The following COL4A6 variants were observed in gnomAD, a reference collection of about 807,000 sequenced individuals.
COL4A6 encodes the protein collagen alpha-6(IV) chain.
In COL4A6, 59 loss-of-function variants were observed where a neutral mutation model predicts 126.7. The ratio of observed to expected loss-of-function variants is 0.47; its 90% CI spans 0.38 to 0.58. The LOEUF (loss-of-function observed/expected upper bound fraction) is 0.58, where lower values mean the gene tolerates loss of function less well. Among genes scored for constraint, COL4A6 ranks in the 20% least tolerant of loss-of-function variants. The probability of loss-of-function intolerance (pLI) is 0.00; values close to 1 mark genes in which losing one functional copy is unlikely to be tolerated. For missense variants in COL4A6, 1,285 were observed against 1,337.3 expected (o/e 0.96, Z 0.61); for synonymous variants, 547 against 496.6 (o/e 1.10, Z -1.35).
chrX:108,319,616 C>G, intron 2 of COL4A6, among the ~76,000 whole-genome samples: 1 of 111,946 alleles, frequency 8.9e-6, no homozygotes, highest in Non-Finnish European at 1.9e-5. Context: ...GATATGAAAA[C>G]ATACCAATGG....
At chrX:108,318,175 C>G (rs1457553810) in intron 2 of COL4A6, among the ~76,000 whole-genome samples, 19 of 111,249 alleles carry the variant, frequency 1.7e-4, no homozygotes, top group East Asian at 1.1e-3. Flanking sequence ...ATTCAACAAC[C>G]CTTCATGCTA....
intron 40 of COL4A6, 136 bp downstream of exon 40, chrX:108,164,464 T>C: frequency 1.8e-6 from 1 of 569,638 alleles, no homozygotes; most frequent in Non-Finnish European, 2.9e-6. Context: ...AGAAACTGCC[T>C]CTCTGGGGTA....
chrX:108,272,891 G>A (rs1028798603), intron 3 of COL4A6, among the ~76,000 whole-genome samples: 1 of 109,622 alleles, frequency 9.1e-6, no homozygotes, highest in Non-Finnish European at 1.9e-5. Flanking sequence ...AGTTCTAGGT[G>A]TCTGTATTTT....
chrX:108,313,246 C>T (rs927608690), intron 2 of COL4A6, among the ~76,000 whole-genome samples: 3 of 111,348 alleles, frequency 2.7e-5, no homozygotes, highest in Admixed American at 9.5e-5. Context: ...CACTCCACCC[C>T]CTGCTTGACC....
At chrX:108,241,658 T>A (rs1391005695) in intron 3 of COL4A6, among the ~76,000 whole-genome samples, 2 of 106,897 alleles carry the variant, frequency 1.9e-5, no homozygotes, top group African/African-American at 6.8e-5. Context: ...TTAGCTACCA[T>A]CATTTCTAAG....
intron 2 of COL4A6, among the ~76,000 whole-genome samples, chrX:108,436,357 C>T (rs2064266845): frequency 8.9e-6 from 1 of 112,437 alleles, no homozygotes; most frequent in South Asian, 3.6e-4. Context: ...GAAAGAATTG[C>T]AAGCATTAAA....
intron 2 of COL4A6, among the ~76,000 whole-genome samples, chrX:108,413,628 C>G (rs1487311236): frequency 9.0e-6 from 1 of 110,718 alleles, no homozygotes; most frequent in Admixed American, 9.6e-5. Context: ...CCGGCTAATT[C>G]TTTGTATTTT....
At chrX:108,285,363 A>G (rs1368791863) in intron 3 of COL4A6, among the ~76,000 whole-genome samples, 9 of 112,418 alleles carry the variant, frequency 8.0e-5, no homozygotes, top group Middle Eastern at 4.2e-3. Context: ...ATACTTCACA[A>G]TTCACCATTA....
In COL4A6 at chrX:108,255,826, T is replaced by C. The variant is rs190456193; in HGVS notation, c.145-34452A>G. Reference sequence around the variant, plus strand: ...ATATACCTTCACAGAACATACAAAATTAAGTTGAATGATCAAGGCTTCATA... The same window carrying C: ...ATATACCTTCACAGAACATACAAAACTAAGTTGAATGATCAAGGCTTCATA... On this transcript the variant is annotated intron_variant, in intron 3 of 44. Transcript: ENST00000334504. Among the ~76,000 whole-genome samples the C allele has an allele frequency of 9.0e-5, 10 of 111,522 alleles. No individual in the cohort carries two copies. The East Asian group carries it at 2.9e-3, about 32-fold the overall frequency.
chrX:108,351,436 C>CTGTGTGTG lies in COL4A6; in HGVS notation c.64-40609_64-40608insCACACACA, dbSNP rs1336858729. Among the ~76,000 whole-genome samples the CTGTGTGTG allele has an allele frequency of 3.0e-3, 248 of 82,219 alleles. 1 individual carries two copies. Among genetic ancestry groups the CTGTGTGTG allele is most frequent in the African/African-American group, 0.011 (227 of 20,028 alleles). 71.4% of individuals were successfully genotyped at this position (82,219 alleles called of 115,157 possible). A position where few individuals can be genotyped will look rare whatever the true frequency, so the allele number is the denominator to read the frequency against. ...CAGTATTAAAAAAGGAGGTAACTCT[C>CTGTGTGTG]TCTCTCTGTGTGTGTGTGTGTGTGT... is the stretch of plus-strand genomic sequence containing the variant. On this transcript the variant is annotated intron_variant, in intron 2 of 44. Transcript: ENST00000334504.
intron 3 of COL4A6, among the ~76,000 whole-genome samples, chrX:108,229,769 T>C (rs2036260256): frequency 8.9e-6 from 1 of 112,086 alleles, no homozygotes; most frequent in Non-Finnish European, 1.9e-5. Context: ...CCTCTCCTTC[T>C]TCCTCATTAT....
At position 108,347,846 on chromosome X, in the gene COL4A6, G is replaced by A. The variant is rs987771585; in HGVS notation, c.64-37018C>T. The stretch of plus-strand genomic sequence containing the variant: ...GGACACCAGATCAGACTGTTGTATG[G>A]TGAACTGAAGTGAGGCAACCCCAAG... On this transcript the variant is annotated intron_variant, in intron 2 of 44. Coordinates refer to ENST00000334504, the MANE Select transcript of COL4A6 (RefSeq NM_033641.4). 7.3e-5 allele frequency among the ~76,000 whole-genome samples: 8 copies of A among 109,516 alleles called. No homozygotes were observed. In the East Asian group the frequency reaches 2.0e-3, roughly 28 times the overall value.
chrX:108,253,490 T>A (rs1326553790), intron 3 of COL4A6, among the ~76,000 whole-genome samples: 1 of 112,266 alleles, frequency 8.9e-6, no homozygotes, highest in East Asian at 2.8e-4. Flanking sequence ...CTCTCTAAAT[T>A]GTGATTGTTA....
intron 2 of COL4A6, among the ~76,000 whole-genome samples, chrX:108,362,172 C>T (rs2040101852): frequency 9.0e-6 from 1 of 111,060 alleles, no homozygotes; most frequent in Non-Finnish European, 1.9e-5. Context: ...AATAACATAC[C>T]ATCCATATTA....
At chrX:108,305,154 T>A (rs2038594119) in intron 3 of COL4A6, among the ~76,000 whole-genome samples, 1 of 111,655 alleles carries the variant, frequency 9.0e-6, no homozygotes, top group Non-Finnish European at 1.9e-5. Context: ...AGAGGTGAAA[T>A]CTGTGCTCAG....
intron 2 of COL4A6, among the ~76,000 whole-genome samples, chrX:108,414,785 C>T (rs1439388024): frequency 9.0e-6 from 1 of 110,986 alleles, no homozygotes; most frequent in Non-Finnish European, 1.9e-5. Flanking sequence ...GAGTGAGATC[C>T]TGTCTCAAAA....
At chrX:108,256,209 T>A (rs1416782451) in intron 3 of COL4A6, among the ~76,000 whole-genome samples, 1 of 112,137 alleles carries the variant, frequency 8.9e-6, no homozygotes, top group Non-Finnish European at 1.9e-5. Context: ...CTGAAATAAA[T>A]TTATTCAGGT....
rs1375933734 is a variant in COL4A6, at chrX:108,238,535, C to G, written c.145-17161G>C. On this transcript the variant is annotated intron_variant, in intron 3 of 44. Coordinates refer to ENST00000334504, the MANE Select transcript of COL4A6 (RefSeq NM_033641.4). ...CACAACTACTTTGTTGCTTCTAACC[C>G]TTATGTAATATTCAAAAGTATGCAT... is the stretch of plus-strand genomic sequence containing the variant. Among the ~76,000 whole-genome samples, 4 of 109,368 alleles carry G rather than the reference C, an allele frequency of 3.7e-5. No homozygotes were observed. The Admixed American group carries it at 4.0e-4, about 11-fold the overall frequency. 95.0% of individuals were successfully genotyped at this position (109,368 alleles called of 115,157 possible).
At position 108,210,013 on chromosome X, in the gene COL4A6, C is replaced by T. The variant is rs2035656459; in HGVS notation, c.511-9G>A. The T allele has an allele frequency of 8.3e-7, 1 of 1,207,891 alleles. No individual in the cohort carries two copies. Among genetic ancestry groups the T allele is most frequent in the Admixed American group, 2.2e-5 (1 of 45,770 alleles). On this transcript the variant is annotated splice_polypyrimidine_tract_variant and intron_variant, in intron 7 of 44. Coordinates refer to ENST00000334504, the MANE Select transcript of COL4A6 (RefSeq NM_033641.4). ...GGCAGCCCAGGATCCCCCTGAGAAA[C>T]AAAGGCAGGACACTGAAGAGTTTAA...
Sources: allele counts gnomAD v4.1 joint callset (sites outside exome capture counted in the v4.1 genomes callset), GRCh38; gene constraint gnomAD v4.1.1; transcripts MANE v1.5; gene names NCBI Gene and HGNC (gene_info 2026-07-23, HGNC 2026-07-21).